DIAPH3: variants seen among roughly 807,000 people sequenced by gnomAD.
The protein encoded by DIAPH3 is protein diaphanous homolog 3.
Under a neutral mutation model 144.3 loss-of-function variants are expected in DIAPH3, and 117 were observed. That is an observed-to-expected ratio of 0.81 (90% CI 0.70 to 0.95). The LOEUF is 0.95. Ranked by LOEUF, DIAPH3 falls within the 40% of genes least tolerant of loss-of-function variation. The probability of loss-of-function intolerance (pLI) is 0.00; values close to 1 mark genes in which losing one functional copy is unlikely to be tolerated. For missense variants in DIAPH3, 1,421 were observed against 1,412.7 expected, an observed-to-expected ratio of 1.01 and a Z score of -0.09; for synonymous variants, 519 against 488.9, an observed-to-expected ratio of 1.06 and a Z score of -0.81.
At position 59,816,429 on chromosome 13, in the gene DIAPH3, A is replaced by G. The variant is rs1055688146; in HGVS notation, c.3028-5506T>C. 2.0e-5 allele frequency among the ~76,000 whole-genome samples: 3 copies of G among 151,692 alleles called. No individual in the cohort carries two copies. In the East Asian group the frequency reaches 5.8e-4, roughly 29 times the overall value. On this transcript the variant is annotated intron_variant, in intron 24 of 27. Transcript: ENST00000400324. The stretch of plus-strand genomic sequence containing the variant: ...CATTTACCTTTTCCAATACTATCCT[A>G]CAAATTTTTACAGAAAGCTCCTCTC...
At chr13:60,152,946 G>C (rs755160971) in intron 1 of DIAPH3, among the ~76,000 whole-genome samples, 18 of 151,984 alleles carry the variant, frequency 1.2e-4, no homozygotes, top group Non-Finnish European at 2.2e-4. Context: ...CCCAAACTGT[G>C]GTCTACAGAG....
chr13:60,151,616 A>G (rs1951788376), intron 1 of DIAPH3, among the ~76,000 whole-genome samples: 2 of 152,222 alleles, frequency 1.3e-5, no homozygotes, highest in South Asian at 2.1e-4. Flanking sequence ...TTGATTTTCA[A>G]TTAGCCAAAC....
chr13:60,035,974 G>T (rs1257804784), intron 5 of DIAPH3, among the ~76,000 whole-genome samples: 1 of 152,054 alleles, frequency 6.6e-6, no homozygotes, highest in Non-Finnish European at 1.5e-5. Context: ...GACTGCCAGG[G>T]ACCATAACTA....
At chr13:59,722,617 AG>A (rs1193522388) in intron 27 of DIAPH3, among the ~76,000 whole-genome samples, 1 of 152,176 alleles carries the variant, frequency 6.6e-6, no homozygotes, top group Non-Finnish European at 1.5e-5. Flanking sequence ...CTAGCTGTGT[AG>A]TACTAAAAGG....
In DIAPH3 at chr13:59,970,911, A is replaced by C; in HGVS notation, c.1900T>G (p.Leu634Val). 1 of 1,613,880 alleles carries C rather than the reference A, an allele frequency of 6.2e-7. No individual in the cohort carries two copies. The highest frequency in any genetic ancestry group is 8.5e-7 in the Non-Finnish European group (1 of 1,179,962). ...SPPLPILPFG[L>V]KPKKEFKPEI... ...GGTTTAAATTCTTTCTTTGGTTTCA[A>C]CCCAAATGGCAGGATTGGTAGAGGA... Residue 634 changes from leucine (L) to valine (V), a missense_variant, in exon 16 of 28, where the codon TTG (leucine) becomes GTG (valine). Physicochemically the swap from Leu to Val is conservative, Grantham distance 32 (BLOSUM62 1). Coordinates refer to ENST00000400324, the MANE Select transcript of DIAPH3 (RefSeq NM_001042517.2).
chr13:59,737,879 A>G (rs1326799456), intron 27 of DIAPH3, among the ~76,000 whole-genome samples: 1 of 152,200 alleles, frequency 6.6e-6, no homozygotes, highest in Non-Finnish European at 1.5e-5. Context: ...TTAAAATATA[A>G]AATTAGGCCG....
At position 59,970,903 on chromosome 13, in the gene DIAPH3, T is replaced by C. The variant is rs2050326606; in HGVS notation, c.1908A>G (p.Pro636=). The change falls in exon 16 of 28, where the codon CCA becomes CCG. Residue 636 remains proline (P), a synonymous_variant. Coordinates refer to ENST00000400324, the MANE Select transcript of DIAPH3 (RefSeq NM_001042517.2). ...PLPILPFGLK[P]KKEFKPEISM... Reference sequence around the variant, plus strand: ...TGATTTCAGGTTTAAATTCTTTCTTTGGTTTCAACCCAAATGGCAGGATTG... The same window carrying C: ...TGATTTCAGGTTTAAATTCTTTCTTCGGTTTCAACCCAAATGGCAGGATTG... 3 of 1,613,882 alleles carry C rather than the reference T, an allele frequency of 1.9e-6. No homozygotes were observed. The highest frequency in any genetic ancestry group is 1.1e-5 in the South Asian group (1 of 91,052).
At chr13:60,143,352 CT>C (rs1951362398) in intron 1 of DIAPH3, among the ~76,000 whole-genome samples, 1 of 152,166 alleles carries the variant, frequency 6.6e-6, no homozygotes, top group African/African-American at 2.4e-5. Flanking sequence ...GAATCCAGCT[CT>C]GATACCAATC....
At chr13:59,758,391 TACA>T (rs765892242) in intron 27 of DIAPH3, among the ~76,000 whole-genome samples, 6 of 152,214 alleles carry the variant, frequency 3.9e-5, no homozygotes, top group Non-Finnish European at 7.3e-5. Context: ...TACAGCTTCA[TACA>T]ACAACATGGA....
At chr13:59,737,119 A>G (rs1433442263) in intron 27 of DIAPH3, among the ~76,000 whole-genome samples, 1 of 152,228 alleles carries the variant, frequency 6.6e-6, no homozygotes, top group Non-Finnish European at 1.5e-5. Flanking sequence ...AAGGTGCCAA[A>G]AGCAACTGCA....
chr13:59,725,434 T>C (rs144791897), intron 27 of DIAPH3, among the ~76,000 whole-genome samples: 2 of 152,356 alleles, frequency 1.3e-5, no homozygotes, highest in Admixed American at 6.5e-5. Context: ...TCCTAATGAA[T>C]TGTCCTGTTG....
In DIAPH3 at chr13:59,789,412, G is replaced by GA. The variant is rs527384328; in HGVS notation, c.3164-14590dup. Among the ~76,000 whole-genome samples, 48 of 151,210 alleles carry GA rather than the reference G, an allele frequency of 3.2e-4. 1 individual carries two copies. The highest frequency in any genetic ancestry group is 6.8e-3 in the Middle Eastern group (2 of 292). On this transcript the variant is annotated intron_variant, in intron 25 of 27. Coordinates refer to ENST00000400324, the MANE Select transcript of DIAPH3 (RefSeq NM_001042517.2). ...TGAAAATATATTAGGATTTGTTTTA[G>GA]ATTTGTTTTAGTATTTTATTAGTGA...
intron 27 of DIAPH3, among the ~76,000 whole-genome samples, chr13:59,761,884 C>T (rs528857638): frequency 6.6e-6 from 1 of 152,068 alleles, no homozygotes; most frequent in Non-Finnish European, 1.5e-5. Flanking sequence ...ATTTCGGCTT[C>T]TGGTTATATC....
chr13:59,752,359 T>C (rs1218945695), intron 27 of DIAPH3, among the ~76,000 whole-genome samples: 1 of 151,706 alleles, frequency 6.6e-6, no homozygotes, highest in African/African-American at 2.4e-5. Flanking sequence ...TAAGCAATAA[T>C]GTAGTCAATT....
chr13:59,916,490 G>T (rs984147172), intron 18 of DIAPH3, among the ~76,000 whole-genome samples: 4 of 151,952 alleles, frequency 2.6e-5, no homozygotes, highest in African/African-American at 9.7e-5. Context: ...ATCCAAGGTT[G>T]ATTTTTAAAT....
chr13:60,054,224 T>C, intron 4 of DIAPH3, among the ~76,000 whole-genome samples: 1 of 151,980 alleles, frequency 6.6e-6, no homozygotes, highest in East Asian at 1.9e-4. Flanking sequence ...GCCCATAATA[T>C]ATAGCCTCTA....
chr13:59,725,582 C>A (rs1246623418), intron 27 of DIAPH3, among the ~76,000 whole-genome samples: 1 of 152,172 alleles, frequency 6.6e-6, no homozygotes, highest in African/African-American at 2.4e-5. Context: ...GAACTTGCAG[C>A]AAGACTATTT....
intron 27 of DIAPH3, among the ~76,000 whole-genome samples, chr13:59,758,701 C>A (rs1005286596): frequency 1.3e-5 from 2 of 151,354 alleles, no homozygotes; most frequent in African/African-American, 2.4e-5. Flanking sequence ...TAAAACAAAA[C>A]GTCCTAAATC....
At chr13:60,056,974 T>C (rs1344068020) in intron 4 of DIAPH3, among the ~76,000 whole-genome samples, 3 of 151,796 alleles carry the variant, frequency 2.0e-5, no homozygotes, top group Non-Finnish European at 4.4e-5. Context: ...AAAACAAGTT[T>C]TTCATTCCTC....
Sources: allele counts gnomAD v4.1 joint callset (sites outside exome capture counted in the v4.1 genomes callset), GRCh38; gene constraint gnomAD v4.1.1; transcripts MANE v1.5; gene names NCBI Gene and HGNC (gene_info 2026-07-23, HGNC 2026-07-21).